Variants in PTBP3 observed in about 807,000 individuals in gnomAD.
The protein encoded by PTBP3 is polypyrimidine tract-binding protein 3.
A neutral mutation model predicts 58.7 loss-of-function variants in PTBP3; 20 were observed. The observed-to-expected ratio is 0.34, with a 90% CI of 0.24 to 0.50. The LOEUF (loss-of-function observed/expected upper bound fraction) is 0.50, where lower values mean the gene tolerates loss of function less well. Among genes scored for constraint, PTBP3 ranks in the 20% least tolerant of loss-of-function variants. The probability of loss-of-function intolerance (pLI) is 0.98; values close to 1 mark genes in which losing one functional copy is unlikely to be tolerated. For missense variants in PTBP3, 509 were observed against 637.2 expected, an observed-to-expected ratio of 0.80 and a Z score of 2.17; for synonymous variants, 185 against 219.8, an observed-to-expected ratio of 0.84 and a Z score of 1.40.
At chr9:112,322,452 C>T (rs1279442530) in intron 1 of PTBP3, among the ~76,000 whole-genome samples, 1 of 152,136 alleles carries the variant, frequency 6.6e-6, no homozygotes, top group Non-Finnish European at 1.5e-5. Flanking sequence ...GCTTCTCTCC[C>T]CAACACCTTA....
intron 1 of PTBP3, among the ~76,000 whole-genome samples, chr9:112,324,029 G>A (rs1007613634): frequency 5.3e-5 from 8 of 151,894 alleles, no homozygotes; most frequent in African/African-American, 7.3e-5. Context: ...AAAAAACACC[G>A]TACCTATGGA....
intron 3 of PTBP3, among the ~76,000 whole-genome samples, chr9:112,268,789 T>C (rs1172273916): frequency 1.3e-5 from 2 of 152,092 alleles, no homozygotes; most frequent in African/African-American, 4.8e-5. Context: ...GTTTTCCTTT[T>C]ATTTCTGTTT....
chr9:112,280,367 ATTAT>A (rs1589859492), intron 2 of PTBP3, among the ~76,000 whole-genome samples: 3 of 146,386 alleles, frequency 2.0e-5, no homozygotes, highest in East Asian at 2.0e-4. Context: ...CTGTTTATTT[ATTAT>A]TTTTTTTTTA....
At chr9:112,347,146 A>G in the PTBP3 span, among the ~76,000 whole-genome samples, 1 of 152,248 alleles carries the variant, frequency 6.6e-6, no homozygotes, top group African/African-American at 2.4e-5. Context: ...CTATATATAA[A>G]TAACCTAATT....
chr9:112,278,699 CTA>C (rs2132219820), intron 2 of PTBP3, among the ~76,000 whole-genome samples: 1 of 152,268 alleles, frequency 6.6e-6, no homozygotes, highest in South Asian at 2.1e-4. Context: ...AATACCTGGG[CTA>C]TGTTAAGAGC....
chr9:112,293,891 A>AGCCC (rs932801397), intron 2 of PTBP3, among the ~76,000 whole-genome samples: 12 of 152,366 alleles, frequency 7.9e-5, no homozygotes, highest in Admixed American at 7.8e-4. Flanking sequence ...AAACTAAGTA[A>AGCCC]GCCCCTGACT....
intron 3 of PTBP3, among the ~76,000 whole-genome samples, chr9:112,269,804 T>C (rs186775667): frequency 3.9e-5 from 6 of 152,336 alleles, no homozygotes; most frequent in Admixed American, 2.0e-4. Context: ...TTTCTTCAGA[T>C]GGTATAAATC....
At chr9:112,309,847 TA>T (rs1344243814) in intron 1 of PTBP3, among the ~76,000 whole-genome samples, 2 of 151,872 alleles carry the variant, frequency 1.3e-5, no homozygotes, top group African/African-American at 2.4e-5. Context: ...CAATAGTCAA[TA>T]GGGGGTCTGC....
chr9:112,320,497 C>T (rs1829903578), intron 1 of PTBP3, among the ~76,000 whole-genome samples: 1 of 151,274 alleles, frequency 6.6e-6, no homozygotes, highest in Non-Finnish European at 1.5e-5. Context: ...ATCAAATGAC[C>T]TGTAGATTTT....
chr9:112,340,862 G>A, the PTBP3 span, among the ~76,000 whole-genome samples: 1 of 141,108 alleles, frequency 7.1e-6, no homozygotes, highest in African/African-American at 2.8e-5. Context: ...GGCAACAAGA[G>A]CGAAACTCTG....
Position 112,251,084 on chromosome 9 carries a change from A to C in PTBP3, c.647T>G (p.Ile216Ser), listed in dbSNP as rs1564405730. The C allele has an allele frequency of 1.3e-6, 2 of 1,585,160 alleles. No homozygotes were observed. Among genetic ancestry groups the C allele is most frequent in the African/African-American group, 1.4e-5 (1 of 73,570 alleles). ...YAKMALDGQNIYNACCTLRID... is the reference protein window; with the variant it reads ...YAKMALDGQNSYNACCTLRID... ...GCGCAGAGTGCAGCATGCATTATAG[A>C]TATTCTGGCCATCCAGAGCCTAAAG... The change falls in exon 7 of 14, where the codon ATC (isoleucine) becomes AGC (serine). Residue 216 changes from isoleucine (I) to serine (S), a missense_variant. Transcript: ENST00000374257.
chr9:112,351,952 T>A, the PTBP3 span, among the ~76,000 whole-genome samples: 1 of 96,256 alleles, frequency 1.0e-5, no homozygotes, highest in Non-Finnish European at 2.7e-5. Context: ...CTCTAGTTCC[T>A]TTTTTTTTTT....
At chr9:112,349,578 A>G in the PTBP3 span, among the ~76,000 whole-genome samples, 1 of 152,054 alleles carries the variant, frequency 6.6e-6, no homozygotes, top group Non-Finnish European at 1.5e-5. Context: ...TGTGCAATTT[A>G]CCAGGCGCGG....
At chr9:112,271,858 C>A (rs1394173425) in intron 3 of PTBP3, among the ~76,000 whole-genome samples, 1 of 152,174 alleles carries the variant, frequency 6.6e-6, no homozygotes, top group Non-Finnish European at 1.5e-5. Context: ...GAACTTCCTA[C>A]CCTGAGTCAA....
chr9:112,268,165 C>A lies in PTBP3; in HGVS notation c.235G>T (p.Ala79Ser), dbSNP rs779442196. ...AFLEMASEEA[A>S]VTMVNYYTPI... Reference sequence around the variant, plus strand: ...GTGTAATAATTCACCATAGTAACGGCAGCTTCCTCAGAAGCCATTTCTAAG... The same window carrying A: ...GTGTAATAATTCACCATAGTAACGGAAGCTTCCTCAGAAGCCATTTCTAAG... The change falls in exon 4 of 14, where the codon GCC becomes TCC. Residue 79 changes from alanine to serine, a missense_variant. Physicochemically the swap from Ala to Ser is moderately conservative, Grantham distance 99. Coordinates refer to ENST00000374257, the MANE Select transcript of PTBP3 (RefSeq NM_001163788.4). 5 of 1,609,544 alleles carry A rather than the reference C, an allele frequency of 3.1e-6. No homozygotes were observed. The South Asian group carries it at 5.6e-5, about 18-fold the overall frequency.
the PTBP3 span, among the ~76,000 whole-genome samples, chr9:112,372,612 T>C: frequency 5.3e-5 from 8 of 152,166 alleles, no homozygotes; most frequent in Non-Finnish European, 7.3e-5. Flanking sequence ...GCTTTCTATC[T>C]CTACAGATTT....
intron 8 of PTBP3, among the ~76,000 whole-genome samples, chr9:112,233,272 GGTGTGTGTGTGTGTGTGTGTGTGT>G (rs72086685): frequency 6.9e-6 from 1 of 144,408 alleles, no homozygotes; most frequent in South Asian, 2.3e-4. Flanking sequence ...TACACTGTAG[GGTGTGTGTGTGTGTGTGTGTGTGT>G]GTGTGTGTGT....
intron 2 of PTBP3, among the ~76,000 whole-genome samples, chr9:112,288,743 G>C (rs1028883613): frequency 6.6e-6 from 1 of 152,162 alleles, no homozygotes; most frequent in Non-Finnish European, 1.5e-5. Context: ...AAGACTGCAG[G>C]TGAGTTTTCT....
intron 5 of PTBP3, among the ~76,000 whole-genome samples, chr9:112,256,297 A>ATATATATATATG (rs1836357043): frequency 2.8e-5 from 2 of 70,760 alleles, no homozygotes; most frequent in African/African-American, 2.1e-4. Flanking sequence ...ATATATACAT[A>ATATATATATATG]TATATATATA....
Sources: allele counts gnomAD v4.1 joint callset (sites outside exome capture counted in the v4.1 genomes callset), GRCh38; gene constraint gnomAD v4.1.1; transcripts MANE v1.5; gene names NCBI Gene and HGNC (gene_info 2026-07-23, HGNC 2026-07-21).